ENOX1: variants seen among roughly 807,000 people sequenced by gnomAD.
ENOX1 encodes the protein ecto-NOX disulfide-thiol exchanger 1, also known as candidate growth-related and time keeping constitutive hydroquinone (NADH) oxidase.
A neutral mutation model predicts 82.5 loss-of-function variants in ENOX1; 42 were observed. The ratio of observed to expected loss-of-function variants is 0.51; its 90% CI spans 0.40 to 0.66. ENOX1 has a LOEUF of 0.66. Ranked by LOEUF, ENOX1 falls within the 30% of genes least tolerant of loss-of-function variation. ENOX1 has a pLI of 0.00. For synonymous variants in ENOX1, 271 were observed against 282.2 expected, an observed-to-expected ratio of 0.96 and a Z score of 0.40; for missense variants, 608 against 811.6, an observed-to-expected ratio of 0.75 and a Z score of 3.05.
At chr13:43,445,399 A>G (rs903422754) in intron 3 of ENOX1, among the ~76,000 whole-genome samples, 16 of 152,168 alleles carry the variant, frequency 1.1e-4, no homozygotes, top group African/African-American at 3.9e-4. Context: ...CTGGGATTAC[A>G]GGTGTGAGCC....
At chr13:43,753,814 A>G (rs936172712) in intron 1 of ENOX1, among the ~76,000 whole-genome samples, 1 of 152,162 alleles carries the variant, frequency 6.6e-6, no homozygotes, top group African/African-American at 2.4e-5. Flanking sequence ...CACTAACCAC[A>G]TAAGAGAAAC....
Position 43,265,389 on chromosome 13 carries a change from G to T in ENOX1, c.1611+9C>A. ...CAAGAAGAACAAATACCAGGTTTGT[G>T]GTACCTACATTTGAATCCTCATGGC... On this transcript the variant is annotated intron_variant, in intron 14 of 16. Transcript: ENST00000690772. 1 of 1,607,992 alleles carries T rather than the reference G, an allele frequency of 6.2e-7. No individual in the cohort carries two copies. Among genetic ancestry groups the T allele is most frequent in the Non-Finnish European group, 8.5e-7 (1 of 1,176,708 alleles).
chr13:43,634,556 C>T (rs1290873655), intron 2 of ENOX1, among the ~76,000 whole-genome samples: 2 of 152,164 alleles, frequency 1.3e-5, no homozygotes, highest in Non-Finnish European at 2.9e-5. Context: ...AAAAGCAGTA[C>T]CCACAGGAGA....
intron 3 of ENOX1, among the ~76,000 whole-genome samples, chr13:43,437,776 T>C (rs1416929158): frequency 6.6e-6 from 1 of 152,190 alleles, no homozygotes; most frequent in Non-Finnish European, 1.5e-5. Flanking sequence ...CAGCACCATT[T>C]TAAATTCTAG....
intron 2 of ENOX1, among the ~76,000 whole-genome samples, chr13:43,548,451 T>G (rs552839655): frequency 3.9e-5 from 6 of 152,224 alleles, no homozygotes; most frequent in Non-Finnish European, 8.8e-5. Flanking sequence ...CCTTTCTCCA[T>G]CTCTTAATTC....
chr13:43,233,492 T>C (rs2042379892), intron 15 of ENOX1, among the ~76,000 whole-genome samples: 1 of 152,204 alleles, frequency 6.6e-6, no homozygotes, highest in South Asian at 2.1e-4. Context: ...ACAATAGTCA[T>C]AAGAATGTCT....
At chr13:43,435,131 T>C (rs1566211327) in intron 3 of ENOX1, among the ~76,000 whole-genome samples, 1 of 152,010 alleles carries the variant, frequency 6.6e-6, no homozygotes, top group Non-Finnish European at 1.5e-5. Context: ...GGAAACACCA[T>C]TTGTTTTCCT....
At chr13:43,619,180 G>A (rs966059649) in intron 2 of ENOX1, among the ~76,000 whole-genome samples, 2 of 152,060 alleles carry the variant, frequency 1.3e-5, no homozygotes, top group Admixed American at 6.6e-5. Flanking sequence ...CATATCATCA[G>A]CAAACAGTGA....
At chr13:43,410,882 T>C (rs546409059) in intron 5 of ENOX1, among the ~76,000 whole-genome samples, 1 of 152,326 alleles carries the variant, frequency 6.6e-6, no homozygotes, top group African/African-American at 2.4e-5. Flanking sequence ...CAATGACTAC[T>C]GCATAATACC....
At chr13:43,318,507 T>G (rs926955454) in intron 11 of ENOX1, among the ~76,000 whole-genome samples, 2 of 152,250 alleles carry the variant, frequency 1.3e-5, no homozygotes, top group African/African-American at 4.8e-5. Flanking sequence ...CTGTTCGCCA[T>G]GTGACACTGA....
rs1303570813 is a variant in ENOX1 at position 43,265,534 on chromosome 13, C to G, written c.1555-80G>C. The G allele has an allele frequency of 9.5e-6, 11 of 1,161,614 alleles. No individual in the cohort carries two copies. In the Admixed American group the frequency reaches 1.9e-4, roughly 20 times the overall value. The allele number at this position is 1,161,614 out of a possible 1,614,324, so 72.0% of individuals were successfully genotyped here. A position where few individuals can be genotyped will look rare whatever the true frequency, so the allele number is the denominator to read the frequency against. On this transcript the variant is annotated intron_variant, in intron 13 of 16. Coordinates refer to ENST00000690772, the MANE Select transcript of ENOX1 (RefSeq NM_001347969.2). ...TCTCTTAAGTATATCATCTTGTTAA[C>G]TGATTTATCTGAGGTTGCATTTTAT...
In ENOX1 at chr13:43,441,449, A is replaced by G. The variant is rs548940974; in HGVS notation, c.-74-28461T>C. On this transcript the variant is annotated intron_variant, in intron 3 of 16. Coordinates refer to ENST00000690772, the MANE Select transcript of ENOX1 (RefSeq NM_001347969.2). ...TTCCATTGTTCAGACAGGAAAAAAGACAGGAGTAGTAAAACAAAGGGAGAG... is the reference window on the plus strand; with the variant it reads ...TTCCATTGTTCAGACAGGAAAAAAGGCAGGAGTAGTAAAACAAAGGGAGAG... Among the ~76,000 whole-genome samples the G allele has an allele frequency of 2.0e-3, 307 of 152,308 alleles. 3 individuals carry two copies. The highest frequency in any genetic ancestry group is 3.9e-3 in the Non-Finnish European group (264 of 68,028).
rs187489547 is a variant in ENOX1, at chr13:43,323,544, T to C, written c.1144-1043A>G. On this transcript the variant is annotated intron_variant, in intron 10 of 16. Transcript: ENST00000690772. ...TTGTAATACTTATGCTAAGTATTTA[T>C]ATTATTATTTTGTATCAAGCTGTAT... Among the ~76,000 whole-genome samples the C allele has an allele frequency of 2.0e-4, 31 of 152,358 alleles. 1 individual carries two copies. The highest frequency in any genetic ancestry group is 2.0e-3 in the Admixed American group (30 of 15,306).
At chr13:43,355,529 C>T (rs2050090551) in intron 8 of ENOX1, among the ~76,000 whole-genome samples, 1 of 152,218 alleles carries the variant, frequency 6.6e-6, no homozygotes, top group Non-Finnish European at 1.5e-5. Flanking sequence ...GAACGCCCCA[C>T]CAATGGCACA....
intron 2 of ENOX1, among the ~76,000 whole-genome samples, chr13:43,595,276 A>C (rs1046970034): frequency 6.6e-6 from 1 of 151,854 alleles, no homozygotes; most frequent in African/African-American, 2.4e-5. Context: ...AATTATTTAC[A>C]TTTTCTTTTT....
chr13:43,337,119 T>C (rs1048115005), intron 9 of ENOX1, among the ~76,000 whole-genome samples: 4 of 152,222 alleles, frequency 2.6e-5, no homozygotes, highest in African/African-American at 9.6e-5. Context: ...GCTAAGATCA[T>C]TGAGATCACG....
chr13:43,322,573 T>C (rs771885757), intron 10 of ENOX1, 72 bp from the exon 11 acceptor site: 26 of 1,184,216 alleles, frequency 2.2e-5, no homozygotes, highest in Non-Finnish European at 3.2e-5. Flanking sequence ...TTTGGGTATA[T>C]ATGACTGGCA....
Position 43,332,682 on chromosome 13 carries a change from A to T in ENOX1, c.1037-6157T>A, listed in dbSNP as rs141992235. 2.6e-3 allele frequency among the ~76,000 whole-genome samples: 394 copies of T among 152,324 alleles called. 3 individuals carry two copies. The highest frequency in any genetic ancestry group is 4.4e-3 in the Non-Finnish European group (296 of 68,026). ...CCAAGTATACTCCAGGGAATTGTAGAGCCCTTTATTAATGCATATATTTAA... is the reference window on the plus strand; with the variant it reads ...CCAAGTATACTCCAGGGAATTGTAGTGCCCTTTATTAATGCATATATTTAA... On this transcript the variant is annotated intron_variant, in intron 9 of 16. Transcript: ENST00000690772.
intron 1 of ENOX1, among the ~76,000 whole-genome samples, chr13:43,690,185 G>A (rs2086280593): frequency 6.6e-6 from 1 of 151,186 alleles, no homozygotes; most frequent in Admixed American, 6.6e-5. Context: ...GGACAACCAT[G>A]GGAGTTCTGA....
Sources: allele counts gnomAD v4.1 joint callset (sites outside exome capture counted in the v4.1 genomes callset), GRCh38; gene constraint gnomAD v4.1.1; transcripts MANE v1.5; gene names NCBI Gene and HGNC (gene_info 2026-07-23, HGNC 2026-07-21).